Variants in TMTC1 observed in about 807,000 individuals in gnomAD.
The protein encoded by TMTC1 is protein O-mannosyl-transferase TMTC1.
A neutral mutation model predicts 104.8 loss-of-function variants in TMTC1; 73 were observed. The ratio of observed to expected loss-of-function variants is 0.70; its 90% CI spans 0.58 to 0.85. TMTC1 has a LOEUF of 0.85. Among genes scored for constraint, TMTC1 ranks in the 40% least tolerant of loss-of-function variants. The pLI, the probability that TMTC1 is intolerant of heterozygous loss-of-function variation, is 0.00. For missense variants in TMTC1, 1,035 were observed against 1,096.1 expected (o/e 0.94, Z 0.79); for synonymous variants, 434 against 428.7 (o/e 1.01, Z -0.15).
At chr12:29,716,028 A>ATTT (rs1016107211) in intron 5 of TMTC1, among the ~76,000 whole-genome samples, 2 of 142,192 alleles carry the variant, frequency 1.4e-5, no homozygotes, top group Admixed American at 7.1e-5. Flanking sequence ...TATTATTATT[A>ATTT]TTATTTTAGA....
At chr12:29,723,148 C>T (rs1404763130) in intron 5 of TMTC1, among the ~76,000 whole-genome samples, 1 of 151,932 alleles carries the variant, frequency 6.6e-6, no homozygotes, top group Non-Finnish European at 1.5e-5. Context: ...CACGAAAAGA[C>T]ACTAAAGAAG....
chr12:29,522,311 C>A (rs1944191863), intron 11 of TMTC1, among the ~76,000 whole-genome samples: 1 of 152,092 alleles, frequency 6.6e-6, no homozygotes, highest in Admixed American at 6.5e-5. Context: ...GTAGAATGAC[C>A]AATGCCATCT....
rs1943687812 is a variant in TMTC1 at position 29,506,056 on chromosome 12, G to T, written c.*790C>A. 1 of 151,964 alleles carries T rather than the reference G, an allele frequency of 6.6e-6. No individual in the cohort carries two copies. 9.4% of individuals were successfully genotyped at this position (151,964 alleles called of 1,614,324 possible). ...CACCAAAATAACAATATATTTGCAG[G>T]CGGGAACATGTATGATTTTAAATGC... On this transcript the variant is annotated 3_prime_UTR_variant, in exon 18 of 18. Coordinates refer to ENST00000539277, the MANE Select transcript of TMTC1 (RefSeq NM_001193451.2).
At chr12:29,519,213 C>T (rs970657278) in intron 12 of TMTC1, 1 of 151,552 alleles carries the variant, frequency 6.6e-6, no homozygotes, top group Non-Finnish European at 1.5e-5. Flanking sequence ...TTTTTAAATA[C>T]TTACATTTGT....
intron 6 of TMTC1, among the ~76,000 whole-genome samples, chr12:29,605,618 T>C (rs915141345): frequency 3.8e-4 from 58 of 151,438 alleles, no homozygotes; most frequent in African/African-American, 1.2e-3. Flanking sequence ...ATTTAAAAGC[T>C]GCAAGCTATC....
intron 5 of TMTC1, among the ~76,000 whole-genome samples, chr12:29,639,038 C>T (rs1361525238): frequency 6.6e-6 from 1 of 152,206 alleles, no homozygotes; most frequent in Non-Finnish European, 1.5e-5. Flanking sequence ...AAAGCTACTT[C>T]CTGCACTACC....
At chr12:29,724,104 C>T (rs1591977629) in intron 5 of TMTC1, among the ~76,000 whole-genome samples, 1 of 152,162 alleles carries the variant, frequency 6.6e-6, no homozygotes, top group South Asian at 2.1e-4. Context: ...TGAAAAGGCG[C>T]TTCGCAGGAA....
chr12:29,661,267 T>TA (rs2136643364), intron 5 of TMTC1: 1 of 683,732 alleles, frequency 1.5e-6, no homozygotes, highest in African/African-American at 1.9e-5. Flanking sequence ...ACAATACAGT[T>TA]ACACTGGTCA....
intron 6 of TMTC1, among the ~76,000 whole-genome samples, chr12:29,612,186 G>A (rs1015013620): frequency 8.5e-5 from 13 of 152,078 alleles, no homozygotes; most frequent in African/African-American, 2.4e-4. Context: ...ACACACTGAC[G>A]GCAGATATGT....
intron 1 of TMTC1, among the ~76,000 whole-genome samples, chr12:29,772,115 G>A (rs187318032): frequency 1.8e-4 from 27 of 152,290 alleles, no homozygotes; most frequent in African/African-American, 6.5e-4. Context: ...TAGCCTGCAG[G>A]TTGTTCTGTT....
Position 29,605,713 on chromosome 12 carries a change from T to C in TMTC1, c.1129-1414A>G, listed in dbSNP as rs556188662. ...TGTATAGTTTATTTATTTGTTTAAA[T>C]TTAAATTTTTATTTTCAATTTGGGG... On this transcript the variant is annotated intron_variant, in intron 6 of 17. Coordinates refer to ENST00000539277, the MANE Select transcript of TMTC1 (RefSeq NM_001193451.2). Among the ~76,000 whole-genome samples the C allele has an allele frequency of 5.9e-5, 9 of 152,340 alleles. No individual in the cohort carries two copies. The South Asian group carries it at 1.9e-3, about 32-fold the overall frequency.
At chr12:29,557,347 C>T (rs1352997855) in intron 9 of TMTC1, among the ~76,000 whole-genome samples, 1 of 152,230 alleles carries the variant, frequency 6.6e-6, no homozygotes. Context: ...GAGTTTGTGG[C>T]CTGGTGAGGC....
chr12:29,507,266 G>A (rs1002859207), intron 17 of TMTC1, among the ~76,000 whole-genome samples: 1 of 152,122 alleles, frequency 6.6e-6, no homozygotes, highest in African/African-American at 2.4e-5. Context: ...CAGGGTGTGA[G>A]GTTACCATTT....
chr12:29,565,039 T>G (rs746229983), intron 9 of TMTC1, among the ~76,000 whole-genome samples: 4 of 152,134 alleles, frequency 2.6e-5, no homozygotes, highest in Non-Finnish European at 5.9e-5. Flanking sequence ...CAACAGGATG[T>G]GTATATTTAC....
intron 5 of TMTC1, among the ~76,000 whole-genome samples, chr12:29,643,556 ATATAT>A (rs1021809947): frequency 3.3e-5 from 3 of 89,716 alleles, no homozygotes; most frequent in African/African-American, 9.8e-5. Flanking sequence ...CATATATGTT[ATATAT>A]TATAATATAT....
chr12:29,502,441 T>C lies in TMTC1; in HGVS notation c.*4405A>G, dbSNP rs893410980. 6.6e-6 allele frequency: 1 copy of C among 151,920 alleles called. No homozygotes were observed. The highest frequency in any genetic ancestry group is 6.6e-5 in the Admixed American group (1 of 15,254). The allele number at this position is 151,920 out of a possible 1,614,324, so 9.4% of individuals were successfully genotyped here. A position where few individuals can be genotyped will look rare whatever the true frequency, so the allele number is the denominator to read the frequency against. On this transcript the variant is annotated 3_prime_UTR_variant, in exon 18 of 18. Coordinates refer to ENST00000539277, the MANE Select transcript of TMTC1 (RefSeq NM_001193451.2). ...GATAGAGATGTAGGCATAAACTCTA[T>C]ACCATGGACACCTTCTATGAGTCAC...
intron 8 of TMTC1, among the ~76,000 whole-genome samples, chr12:29,572,982 T>C (rs1945722906): frequency 6.6e-6 from 1 of 152,222 alleles, no homozygotes. Context: ...CTCTGTCTTC[T>C]TTCTCTTTAT....
intron 9 of TMTC1, among the ~76,000 whole-genome samples, chr12:29,564,843 T>C (rs902935866): frequency 2.0e-5 from 3 of 152,000 alleles, no homozygotes; most frequent in African/African-American, 7.3e-5. Context: ...TAAATATTAA[T>C]GGGAAAGTGC....
intron 5 of TMTC1, among the ~76,000 whole-genome samples, chr12:29,664,215 TA>T (rs1940181730): frequency 6.9e-6 from 1 of 145,052 alleles, no homozygotes; most frequent in African/African-American, 2.5e-5. Flanking sequence ...AATAAAAAAA[TA>T]AAAAAATAAA....
Sources: allele counts gnomAD v4.1 joint callset (sites outside exome capture counted in the v4.1 genomes callset), GRCh38; gene constraint gnomAD v4.1.1; transcripts MANE v1.5; gene names NCBI Gene and HGNC (gene_info 2026-07-23, HGNC 2026-07-21).